Variants in IQSEC1 observed in about 807,000 individuals in gnomAD.
IQSEC1 encodes IQ motif and Sec7 domain ArfGEF 1.
A neutral mutation model predicts 91.0 loss-of-function variants in IQSEC1; 31 were observed. The observed-to-expected ratio is 0.34, with a 90% CI of 0.26 to 0.46. The LOEUF (loss-of-function observed/expected upper bound fraction) is 0.46. Among genes scored for constraint, IQSEC1 ranks in the 20% least tolerant of loss-of-function variants. The pLI, the probability that IQSEC1 is intolerant of heterozygous loss-of-function variation, is 1.00. For synonymous variants in IQSEC1, 699 were observed against 662.6 expected (o/e 1.05, Z -0.84); for missense variants, 1,388 against 1,575.6 (o/e 0.88, Z 2.02).
intron 2 of IQSEC1, among the ~76,000 whole-genome samples, chr3:13,153,170 G>A (rs887612558): frequency 4.0e-5 from 6 of 151,358 alleles, no homozygotes; most frequent in East Asian, 2.0e-4. Context: ...GCTGACCCCC[G>A]TGTCCTCCTC....
chr3:13,195,040 T>C (rs954015950), intron 1 of IQSEC1, among the ~76,000 whole-genome samples: 5 of 152,174 alleles, frequency 3.3e-5, no homozygotes, highest in African/African-American at 1.2e-4. Flanking sequence ...TGAGAGATAC[T>C]GTCAAGAGGA....
chr3:13,170,002 T>C (rs1189388506), intron 1 of IQSEC1, among the ~76,000 whole-genome samples: 15 of 152,082 alleles, frequency 9.9e-5, no homozygotes, highest in Admixed American at 1.3e-4. Context: ...CCCAAGACAA[T>C]AGGGAAAATG....
intron 1 of IQSEC1, among the ~76,000 whole-genome samples, chr3:13,238,942 T>C (rs1448219206): frequency 6.6e-6 from 1 of 152,214 alleles, no homozygotes; most frequent in Non-Finnish European, 1.5e-5. Flanking sequence ...TCTCCAGTTC[T>C]CTGGGAGGAG....
intron 1 of IQSEC1, among the ~76,000 whole-genome samples, chr3:12,944,026 C>T (rs928111800): frequency 1.3e-5 from 2 of 152,320 alleles, no homozygotes; most frequent in East Asian, 3.9e-4. Context: ...AAGAGGGGGT[C>T]CCAGGGCCCT....
intron 1 of IQSEC1, among the ~76,000 whole-genome samples, chr3:13,200,973 C>A (rs549095899): frequency 2.0e-5 from 3 of 152,278 alleles, no homozygotes; most frequent in African/African-American, 7.2e-5. Flanking sequence ...ATGGGGAAAT[C>A]GAGCCAAGAC....
chr3:13,115,926 A>C (rs1706327432), intron 2 of IQSEC1, among the ~76,000 whole-genome samples: 1 of 152,162 alleles, frequency 6.6e-6, no homozygotes, highest in South Asian at 2.1e-4. Flanking sequence ...CAGCAACCAA[A>C]AGGTTAGCAT....
intron 12 of IQSEC1, among the ~76,000 whole-genome samples, chr3:12,905,690 G>A (rs565836195): frequency 2.0e-5 from 3 of 152,344 alleles, no homozygotes; most frequent in Non-Finnish European, 2.9e-5. Flanking sequence ...TGCTTCACAC[G>A]TGGCAGGGGC....
Position 13,014,193 on chromosome 3 carries a change from C to T in IQSEC1, c.23+58799G>A, listed in dbSNP as rs979333025. Among the ~76,000 whole-genome samples, 36 of 152,194 alleles carry T rather than the reference C, an allele frequency of 2.4e-4. 1 individual carries two copies. The highest frequency in any genetic ancestry group is 8.7e-4 in the African/African-American group (36 of 41,446). ...CCCTGGCTCACTGGGGTCATCAAGC[C>T]TCCCCTAACCAGCCTGAGGGGCACT... On this transcript the variant is annotated intron_variant, in intron 1 of 13. Coordinates refer to ENST00000613206, the MANE Select transcript of IQSEC1 (RefSeq NM_001134382.3).
intron 1 of IQSEC1, among the ~76,000 whole-genome samples, chr3:12,968,046 C>A (rs1382000705): frequency 6.6e-6 from 1 of 152,230 alleles, no homozygotes; most frequent in South Asian, 2.1e-4. Flanking sequence ...CTTTGCGCAG[C>A]CCCTCCAACA....
At chr3:13,253,814 C>A (rs952048205) in intron 1 of IQSEC1, among the ~76,000 whole-genome samples, 2 of 152,212 alleles carry the variant, frequency 1.3e-5, no homozygotes, top group African/African-American at 4.8e-5. Flanking sequence ...GGTAACCCAG[C>A]ACCCATGCTT....
intron 1 of IQSEC1, among the ~76,000 whole-genome samples, chr3:13,166,753 C>A (rs2124992307): frequency 6.6e-6 from 1 of 152,350 alleles, no homozygotes; most frequent in African/African-American, 2.4e-5. Context: ...GTGCCTCCCA[C>A]ACACTGGAGC....
chr3:13,140,487 A>C (rs181129375), intron 2 of IQSEC1, among the ~76,000 whole-genome samples: 1 of 152,292 alleles, frequency 6.6e-6, no homozygotes, highest in Admixed American at 6.5e-5. Flanking sequence ...TTTCCTGAGA[A>C]CTTCACAGGT....
chr3:12,923,509 G>A (rs991813746), intron 4 of IQSEC1, among the ~76,000 whole-genome samples: 3 of 152,228 alleles, frequency 2.0e-5, no homozygotes, highest in African/African-American at 4.8e-5. Context: ...ATATTCTGCT[G>A]GTGCCTGCCA....
At chr3:12,957,515 T>TA (rs1174700503) in intron 1 of IQSEC1, among the ~76,000 whole-genome samples, 1 of 152,176 alleles carries the variant, frequency 6.6e-6, no homozygotes, top group East Asian at 1.9e-4. Flanking sequence ...TGGACTTAAA[T>TA]AAAGCAGTTC....
At chr3:13,063,729 T>A (rs1705145505) in intron 1 of IQSEC1, among the ~76,000 whole-genome samples, 2 of 152,332 alleles carry the variant, frequency 1.3e-5, no homozygotes, top group South Asian at 4.1e-4. Context: ...AAGGGACTTG[T>A]GTTTCCTTTC....
At chr3:13,234,705 C>A (rs913038264) in intron 1 of IQSEC1, among the ~76,000 whole-genome samples, 1 of 152,154 alleles carries the variant, frequency 6.6e-6, no homozygotes, top group African/African-American at 2.4e-5. Flanking sequence ...CACACAAGAT[C>A]GGATTTTCTT....
At chr3:13,149,101 C>T (rs1706948257) in intron 2 of IQSEC1, among the ~76,000 whole-genome samples, 1 of 152,234 alleles carries the variant, frequency 6.6e-6, no homozygotes, top group South Asian at 2.1e-4. Flanking sequence ...TCCCCACACC[C>T]GCCATGCTGG....
intron 1 of IQSEC1, among the ~76,000 whole-genome samples, chr3:13,244,876 G>C (rs1457985284): frequency 6.6e-6 from 1 of 152,166 alleles, no homozygotes; most frequent in East Asian, 1.9e-4. Context: ...AACTGCTCAG[G>C]AAGGGGGGTC....
chr3:13,275,278 C>T (rs1331361377), intron 1 of IQSEC1, among the ~76,000 whole-genome samples: 1 of 152,162 alleles, frequency 6.6e-6, no homozygotes, highest in Non-Finnish European at 1.5e-5. Flanking sequence ...GTCTCTAACC[C>T]GTTCCTTTGT....
Sources: gnomAD v4.1 joint callset for allele counts (sites outside exome capture counted in the v4.1 genomes callset) on GRCh38, gnomAD v4.1.1 for gene constraint, MANE v1.5 for transcripts, NCBI Gene and HGNC (gene_info 2026-07-23, HGNC 2026-07-21) for gene names.